Variants in XRCC6 observed in about 807,000 individuals in gnomAD.
XRCC6 encodes the protein DNA repair protein Ku70.
A neutral mutation model predicts 65.7 loss-of-function variants in XRCC6; 5 were observed. The ratio of observed to expected loss-of-function variants is 0.08; its 90% confidence interval spans 0.04 to 0.16. XRCC6 has a LOEUF of 0.16. XRCC6 is among the 10% of genes least tolerant of loss of function. XRCC6 has a pLI of 1.00. For synonymous variants in XRCC6, 270 were observed against 270.6 expected (o/e 1.00, Z 0.02); for missense variants, 447 against 738.1 (o/e 0.61, Z 4.57).
intron 1 of XRCC6, 190 bp from the exon 2 acceptor site, chr22:41,621,800 G>A (rs562280597): frequency 1.7e-6 from 1 of 571,484 alleles, no homozygotes; most frequent in African/African-American, 1.9e-5. Context: ...GCTGAGATGA[G>A]GCAGCTACTG....
At chr22:41,652,733 G>GCAAT (rs1394308362) in intron 8 of XRCC6, among the ~76,000 whole-genome samples, 1 of 151,786 alleles carries the variant, frequency 6.6e-6, no homozygotes, top group Non-Finnish European at 1.5e-5. Flanking sequence ...GAATGCAGTG[G>GCAAT]CAATGTCTCT....
At chr22:41,662,576 T>C (rs919123453) in intron 12 of XRCC6, among the ~76,000 whole-genome samples, 3 of 152,226 alleles carry the variant, frequency 2.0e-5, no homozygotes, top group Non-Finnish European at 2.9e-5. Context: ...TGGATAGATA[T>C]ACCAGGTTAT....
At chr22:41,650,929 A>C in intron 8 of XRCC6, 38 bp downstream of exon 8, 1 of 1,611,496 alleles carries the variant, frequency 6.2e-7, no homozygotes, top group South Asian at 1.1e-5. Flanking sequence ...ACTCTAACAC[A>C]CAGTGCAGTT....
Position 41,621,984 on chromosome 22 carries a change from G to A in XRCC6, c.-15-6G>A, listed in dbSNP as rs1446715145. On this transcript the variant is annotated splice_region_variant and splice_polypyrimidine_tract_variant and intron_variant, in intron 1 of 12. Transcript: ENST00000360079. The stretch of plus-strand genomic sequence containing the variant: ...CCTGTTACTGACGTTAACGTCTTTC[G>A]CCTAGTGAGCAGTAGCCAACATGTC... 4 of 1,613,902 alleles carry A rather than the reference G, an allele frequency of 2.5e-6. No individual in the cohort carries two copies. In the East Asian group the frequency reaches 8.9e-5, roughly 36 times the overall value.
At chr22:41,659,076 C>A (rs1298774406) in intron 11 of XRCC6, among the ~76,000 whole-genome samples, 3 of 152,132 alleles carry the variant, frequency 2.0e-5, no homozygotes, top group South Asian at 2.1e-4. Context: ...CTCAGACTCC[C>A]GAGCAGTTGG....
Position 41,661,326 on chromosome 22 carries a change from T to TC in XRCC6, c.1523-4dup. 1 of 1,611,616 alleles carries TC rather than the reference T, an allele frequency of 6.2e-7. No individual in the cohort carries two copies. Reference sequence around the variant, plus strand: ...AGGCCACTCTTCTGTGTTTTGATTTTCTAGTGCCCAAGGTTGAAGCAATGA... The same window carrying TC: ...AGGCCACTCTTCTGTGTTTTGATTTTCCTAGTGCCCAAGGTTGAAGCAATGA... On this transcript the variant is annotated splice_region_variant and splice_polypyrimidine_tract_variant and intron_variant, in intron 11 of 12. Transcript: ENST00000360079.
chr22:41,656,999 A>C lies in XRCC6; in HGVS notation c.1388A>C (p.Lys463Thr). Residue 463 changes from lysine to threonine, a missense_variant, in exon 10 of 13, where the codon AAG becomes ACG. This residue lies in a region of XRCC6 where 201 missense variants were observed against 374.1 expected (regional missense o/e 0.54). Coordinates refer to ENST00000360079, the MANE Select transcript of XRCC6 (RefSeq NM_001469.5). ...MATPEQVGKMKAIVEKLRFTY... is the reference protein window; with the variant it reads ...MATPEQVGKMTAIVEKLRFTY... ...ACTCCAGAGCAGGTGGGCAAGATGA[A>C]GGCTATCGTTGAGAAGCTTCGCTTC... is the stretch of plus-strand genomic sequence containing the variant. 6.2e-7 allele frequency: 1 copy of C among 1,601,192 alleles called. No individual in the cohort carries two copies. The highest frequency in any genetic ancestry group is 8.5e-7 in the Non-Finnish European group (1 of 1,176,702).
At chr22:41,649,031 T>C (rs1275913388) in intron 7 of XRCC6, among the ~76,000 whole-genome samples, 1 of 150,478 alleles carries the variant, frequency 6.6e-6, no homozygotes, top group Non-Finnish European at 1.5e-5. Flanking sequence ...ACCCAGGAGT[T>C]TGAGATCAGC....
At chr22:41,656,215 CA>C (rs132783) in intron 9 of XRCC6, among the ~76,000 whole-genome samples, 5,045 of 127,138 alleles carry the variant, frequency 0.04, 281 homozygotes, top group African/African-American at 0.14. Flanking sequence ...GATCCTGTCT[CA>C]AAAAAAAAAA....
At chr22:41,663,241 A>G (rs1450292759) in intron 12 of XRCC6, among the ~76,000 whole-genome samples, 4 of 152,128 alleles carry the variant, frequency 2.6e-5, no homozygotes, top group Admixed American at 2.6e-4. Flanking sequence ...AGTAGCTGAG[A>G]CTGCAGGTGC....
chr22:41,641,946 C>T (rs1158664005), intron 6 of XRCC6, among the ~76,000 whole-genome samples: 4 of 152,070 alleles, frequency 2.6e-5, no homozygotes, highest in Non-Finnish European at 5.9e-5. Context: ...TGCACCACCA[C>T]GCCCGACTAA....
chr22:41,651,823 G>A (rs779045117), intron 8 of XRCC6, among the ~76,000 whole-genome samples: 40 of 148,730 alleles, frequency 2.7e-4, no homozygotes, highest in Non-Finnish European at 4.3e-4. Flanking sequence ...TGTTGTTGTC[G>A]CCTAGGCTGG....
intron 5 of XRCC6, 149 bp from the exon 6 acceptor site, chr22:41,637,459 T>C (rs762246099): frequency 1.7e-5 from 12 of 697,816 alleles, no homozygotes; most frequent in Non-Finnish European, 2.6e-5. Context: ...AGCAGTTGGT[T>C]TCCTTAGTCA....
intron 3 of XRCC6, among the ~76,000 whole-genome samples, chr22:41,633,589 G>C (rs2067779657): frequency 6.6e-6 from 1 of 152,044 alleles, no homozygotes; most frequent in African/African-American, 2.4e-5. Flanking sequence ...CACCATGTTA[G>C]CCAGGATGGT....
At chr22:41,657,490 T>TA (rs1491537473) in intron 10 of XRCC6, among the ~76,000 whole-genome samples, 51 of 138,236 alleles carry the variant, frequency 3.7e-4, no homozygotes, top group Non-Finnish European at 6.9e-4. Context: ...TTTTTAAAAA[T>TA]TTATTATTAT....
chr22:41,634,268 C>G (rs1466589684), intron 3 of XRCC6, among the ~76,000 whole-genome samples: 1 of 151,930 alleles, frequency 6.6e-6, no homozygotes, highest in Non-Finnish European at 1.5e-5. Flanking sequence ...CCACTGCAGC[C>G]TTGACCTCCT....
At chr22:41,636,008 CA>C (rs1214029422) in intron 3 of XRCC6, 104 bp from the exon 4 acceptor site, 28 of 991,758 alleles carry the variant, frequency 2.8e-5, no homozygotes, top group Non-Finnish European at 4.0e-5. Flanking sequence ...ATTTTAGTGC[CA>C]TATACAAATT....
intron 8 of XRCC6, among the ~76,000 whole-genome samples, chr22:41,653,161 TG>T (rs1188439122): frequency 6.6e-6 from 1 of 152,038 alleles, no homozygotes; most frequent in Non-Finnish European, 1.5e-5. Flanking sequence ...CCCAACACTT[TG>T]GGAGGCTGAG....
chr22:41,625,447 A>G (rs933891402), intron 2 of XRCC6, among the ~76,000 whole-genome samples: 1 of 152,222 alleles, frequency 6.6e-6, no homozygotes, highest in African/African-American at 2.4e-5. Context: ...CCTGACCAAC[A>G]TGATGAAACC....
Sources: gnomAD v4.1 joint callset for allele counts (sites outside exome capture counted in the v4.1 genomes callset) on GRCh38, gnomAD v4.1.1 for gene constraint, gnomAD v4.1.1 regional missense constraint, MANE v1.5 for transcripts, NCBI Gene and HGNC (gene_info 2026-07-23, HGNC 2026-07-21) for gene names.